TNFAIP8: variants seen among roughly 807,000 people sequenced by gnomAD.
TNFAIP8 encodes the protein tumor necrosis factor alpha-induced protein 8.
TNFAIP8 carries 7 observed loss-of-function variants against 13.3 expected under a neutral mutation model. The observed-to-expected ratio is 0.52, with a 90% CI of 0.30 to 0.99. The LOEUF (loss-of-function observed/expected upper bound fraction) is 0.99, where lower values mean the gene tolerates loss of function less well. TNFAIP8 is among the 50% of genes least tolerant of loss of function. The probability of loss-of-function intolerance (pLI) is 0.07; values close to 1 mark genes in which losing one functional copy is unlikely to be tolerated. For synonymous variants in TNFAIP8, 94 were observed against 87.6 expected (o/e 1.07, Z -0.41); for missense variants, 258 against 236.9 (o/e 1.09, Z -0.58).
At chr5:119,298,447 T>C (rs1337521284) in intron 1 of TNFAIP8, among the ~76,000 whole-genome samples, 1 of 151,914 alleles carries the variant, frequency 6.6e-6, no homozygotes, top group African/African-American at 2.4e-5. Context: ...CACTCTCTTC[T>C]GGCTTGTAGA....
chr5:119,287,743 T>C (rs1748849133), intron 1 of TNFAIP8, among the ~76,000 whole-genome samples: 1 of 152,214 alleles, frequency 6.6e-6, no homozygotes, highest in African/African-American at 2.4e-5. Flanking sequence ...TTTTAGGATT[T>C]GCCTAAATAT....
chr5:119,377,252 G>C (rs1423024283), intron 1 of TNFAIP8, among the ~76,000 whole-genome samples: 1 of 151,736 alleles, frequency 6.6e-6, no homozygotes, highest in Admixed American at 6.6e-5. Context: ...AAAATGCAAA[G>C]ATTAACCAAG....
chr5:119,278,821 A>G (rs1048228136), intron 1 of TNFAIP8, among the ~76,000 whole-genome samples: 3 of 152,190 alleles, frequency 2.0e-5, no homozygotes, highest in African/African-American at 7.2e-5. Context: ...AAAATCACAT[A>G]TACATAATTA....
Position 119,393,386 on chromosome 5 carries a change from A to G in TNFAIP8, c.*5A>G, listed in dbSNP as rs1752976066. The G allele has an allele frequency of 6.2e-7, 1 of 1,601,524 alleles. No homozygotes were observed. The highest frequency in any genetic ancestry group is 8.5e-7 in the Non-Finnish European group (1 of 1,174,798). Reference sequence around the variant, plus strand: ...TTGGATGAAGAGAACATATGAGCACATGAGTTAAGATTGTGACTGATCATG... The same window carrying G: ...TTGGATGAAGAGAACATATGAGCACGTGAGTTAAGATTGTGACTGATCATG... On this transcript the variant is annotated 3_prime_UTR_variant, in exon 2 of 2. Transcript: ENST00000504771.
chr5:119,371,145 A>G (rs1328088398), intron 1 of TNFAIP8, among the ~76,000 whole-genome samples: 2 of 152,208 alleles, frequency 1.3e-5, no homozygotes, highest in Non-Finnish European at 2.9e-5. Context: ...TAGTGAAAAA[A>G]TATTTTATTT....
At chr5:119,287,022 C>A (rs959404522) in intron 1 of TNFAIP8, among the ~76,000 whole-genome samples, 7 of 152,152 alleles carry the variant, frequency 4.6e-5, no homozygotes, top group African/African-American at 1.4e-4. Flanking sequence ...CTTCCTTTGC[C>A]TGGTTGTATT....
At chr5:119,319,439 G>C (rs370457248) in intron 1 of TNFAIP8, among the ~76,000 whole-genome samples, 1 of 152,144 alleles carries the variant, frequency 6.6e-6, no homozygotes. Flanking sequence ...ACATTCCAAC[G>C]TGTGCTTAAT....
At chr5:119,389,780 G>T (rs1442438280) in intron 1 of TNFAIP8, among the ~76,000 whole-genome samples, 1 of 152,166 alleles carries the variant, frequency 6.6e-6, no homozygotes, top group Non-Finnish European at 1.5e-5. Flanking sequence ...AGAATAAAAG[G>T]AAAGTGTGAC....
intron 1 of TNFAIP8, among the ~76,000 whole-genome samples, chr5:119,383,015 C>G (rs1163787936): frequency 1.3e-5 from 2 of 152,192 alleles, no homozygotes; most frequent in Non-Finnish European, 2.9e-5. Flanking sequence ...ATCCTCAAAG[C>G]CTTTAGTATT....
chr5:119,355,371 C>G (rs777394815), upstream of TNFAIP8: 52 of 702,428 alleles, frequency 7.4e-5, no homozygotes, highest in East Asian at 1.3e-4. Flanking sequence ...TAAGCAGCCC[C>G]GTCTGCTTTT....
intron 1 of TNFAIP8, among the ~76,000 whole-genome samples, chr5:119,364,789 T>C (rs1751769193): frequency 6.6e-6 from 1 of 151,794 alleles, no homozygotes; most frequent in Non-Finnish European, 1.5e-5. Context: ...CCACTCAAAA[T>C]TAGATAATTT....
chr5:119,347,370 T>C (rs6864305), intron 1 of TNFAIP8, among the ~76,000 whole-genome samples: 61,962 of 152,092 alleles, frequency 0.41, 14,293 homozygotes, highest in African/African-American at 0.63. Flanking sequence ...GAAAATTAAA[T>C]GGCATATGAT....
In TNFAIP8 at chr5:119,342,430, G is replaced by A. The variant is rs576058450; in HGVS notation, c.2-50386G>A. Among the ~76,000 whole-genome samples, 8 of 152,292 alleles carry A rather than the reference G, an allele frequency of 5.3e-5. No individual in the cohort carries two copies. In the East Asian group the frequency reaches 7.7e-4, roughly 15 times the overall value. On this transcript the variant is annotated intron_variant, in intron 1 of 1. Coordinates refer to the TNFAIP8 transcript ENST00000274456. ...GAGCTGGGTGTCACCCTGCTTCCCCGTATTTGGTGTTGGCCAATGGGAGAG... is the reference window on the plus strand; with the variant it reads ...GAGCTGGGTGTCACCCTGCTTCCCCATATTTGGTGTTGGCCAATGGGAGAG...
chr5:119,355,300 G>T (rs1192373255), upstream of TNFAIP8: 1 of 701,614 alleles, frequency 1.4e-6, no homozygotes, highest in East Asian at 2.7e-5. Context: ...AGTAACTGCA[G>T]CAATGAGTGC....
chr5:119,379,400 G>A (rs958598803), intron 1 of TNFAIP8, among the ~76,000 whole-genome samples: 1 of 152,188 alleles, frequency 6.6e-6, no homozygotes, highest in South Asian at 2.1e-4. Context: ...AGCAGGTTAG[G>A]AGAGATTTAT....
intron 1 of TNFAIP8, among the ~76,000 whole-genome samples, chr5:119,369,945 CTT>C (rs1267431848): frequency 6.6e-6 from 1 of 152,188 alleles, no homozygotes; most frequent in African/African-American, 2.4e-5. Context: ...ACTTCTTACT[CTT>C]TTGAAAAGTG....
intron 1 of TNFAIP8, among the ~76,000 whole-genome samples, chr5:119,278,376 A>AGAGAGAGAGT (rs760411484): frequency 9.2e-6 from 1 of 108,238 alleles, no homozygotes; most frequent in African/African-American, 3.8e-5. Context: ...AGAGAGAGAG[A>AGAGAGAGAGT]GTGTGTGTGT....
intron 1 of TNFAIP8, among the ~76,000 whole-genome samples, chr5:119,361,272 T>A (rs963892800): frequency 6.6e-6 from 1 of 152,244 alleles, no homozygotes; most frequent in Non-Finnish European, 1.5e-5. Context: ...AAAGAGCAAT[T>A]GCTTAAATTT....
intron 1 of TNFAIP8, among the ~76,000 whole-genome samples, chr5:119,336,746 A>G (rs17145198): frequency 0.1 from 15,938 of 152,194 alleles, 1,048 homozygotes; most frequent in African/African-American, 0.2. Flanking sequence ...AAGTTTGATC[A>G]CCCCATTCTC....
Sources: gnomAD v4.1 joint callset for allele counts (sites outside exome capture counted in the v4.1 genomes callset) on GRCh38, gnomAD v4.1.1 for gene constraint, MANE v1.5 for transcripts, NCBI Gene and HGNC (gene_info 2026-07-23, HGNC 2026-07-21) for gene names.